CNTROB: variants seen among roughly 807,000 people sequenced by gnomAD.
The protein encoded by CNTROB is centrobin, centriole duplication and spindle assembly protein, also known as centrobin.
In CNTROB, 82 loss-of-function variants were observed where a neutral mutation model predicts 115.7. The observed-to-expected ratio is 0.71, with a 90% CI of 0.59 to 0.85. The LOEUF is 0.85. Ranked by LOEUF, CNTROB falls within the 40% of genes least tolerant of loss-of-function variation. CNTROB has a pLI of 0.00. For missense variants in CNTROB, 1,014 were observed against 1,144.4 expected (o/e 0.89, Z 1.64); for synonymous variants, 439 against 456.4 (o/e 0.96, Z 0.49).
chr17:7,942,596 CAAAAAA>C (rs377086554), intron 9 of CNTROB, among the ~76,000 whole-genome samples: 1 of 56,482 alleles, frequency 1.8e-5, no homozygotes, highest in Non-Finnish European at 3.1e-5. Context: ...GACTCCATCT[CAAAAAA>C]AAAAAAAAAA....
chr17:7,941,338 G>T (rs1328915415), intron 9 of CNTROB, among the ~76,000 whole-genome samples: 2 of 152,178 alleles, frequency 1.3e-5, no homozygotes, highest in East Asian at 3.9e-4. Context: ...GGTGGCTCAT[G>T]CCTGTAATCC....
chr17:7,948,907 G>C lies in CNTROB; in HGVS notation c.2514-178G>C. The stretch of plus-strand genomic sequence containing the variant: ...TCAAAACTCAGAATCCTAGACTTTT[G>C]ACTAGCTAGTGTAACTCGTTATTTA... On this transcript the variant is annotated intron_variant, in intron 17 of 18. Transcript: ENST00000563694. This position sits in a 1 kb window ranked among gnomAD's most constrained non-coding sequence, Gnocchi z 4.4. The C allele has an allele frequency of 7.0e-7, 1 of 1,429,228 alleles. No individual in the cohort carries two copies. The highest frequency in any genetic ancestry group is 9.2e-7 in the Non-Finnish European group (1 of 1,085,112). The allele number at this position is 1,429,228 out of a possible 1,614,324, so 88.5% of individuals were successfully genotyped here. A position where few individuals can be genotyped will look rare whatever the true frequency, so the allele number is the denominator to read the frequency against.
At position 7,948,351 on chromosome 17, in the gene CNTROB, G is replaced by A; in HGVS notation, c.2380+24G>A. 1 of 1,612,382 alleles carries A rather than the reference G, an allele frequency of 6.2e-7. No individual in the cohort carries two copies. Among genetic ancestry groups the A allele is most frequent in the Non-Finnish European group, 8.5e-7 (1 of 1,179,228 alleles). ...AGGTGAGCATGTTCTGGTTTATTAG[G>A]GAAAAAAGGAGGGACAGTCCTGAGT... On this transcript the variant is annotated intron_variant, in intron 16 of 18. Transcript: ENST00000563694. The surrounding 1 kb of genome is among the most constrained non-coding windows in gnomAD (Gnocchi z 4.4).
Position 7,940,160 on chromosome 17 carries a change from C to G in CNTROB, c.1229C>G (p.Ser410Cys). 6.2e-7 allele frequency: 1 copy of G among 1,612,574 alleles called. No individual in the cohort carries two copies. The highest frequency in any genetic ancestry group is 8.5e-7 in the Non-Finnish European group (1 of 1,179,638). The change falls in exon 9 of 19, where the codon TCT becomes TGT. Residue 410 changes from serine to cysteine, a missense_variant. By Grantham distance (112) the Ser-to-Cys change is moderately radical (BLOSUM62 -1). Coordinates refer to ENST00000563694, the MANE Select transcript of CNTROB (RefSeq NM_053051.5). ...CAGCACCAGTTGGCATTGGTGCAGTCTGAGGTGCGGCGGCTGGAAGGAGAG... is the reference window on the plus strand; with the variant it reads ...CAGCACCAGTTGGCATTGGTGCAGTGTGAGGTGCGGCGGCTGGAAGGAGAG... Reference protein sequence around the residue: ...ETQHQLALVQSEVRRLEGELD... With the variant: ...ETQHQLALVQCEVRRLEGELD...
At position 7,948,360 on chromosome 17, in the gene CNTROB, G is replaced by C. The variant is rs751311087; in HGVS notation, c.2380+33G>C. 4.3e-6 allele frequency: 7 copies of C among 1,613,062 alleles called. No individual in the cohort carries two copies. ...TGTTCTGGTTTATTAGGGAAAAAAG[G>C]AGGGACAGTCCTGAGTGTGGATCCA... On this transcript the variant is annotated intron_variant, in intron 16 of 18. Coordinates refer to ENST00000563694, the MANE Select transcript of CNTROB (RefSeq NM_053051.5). This position sits in a 1 kb window ranked among gnomAD's most constrained non-coding sequence, Gnocchi z 4.4.
intron 9 of CNTROB, among the ~76,000 whole-genome samples, chr17:7,941,349 C>T (rs1167245830): frequency 6.6e-6 from 1 of 152,150 alleles, no homozygotes; most frequent in East Asian, 1.9e-4. Flanking sequence ...CCTGTAATCC[C>T]AGCACTGTGG....
At chr17:7,947,426 C>T in intron 13 of CNTROB, 145 bp from the exon 14 acceptor site, 1 of 779,326 alleles carries the variant, frequency 1.3e-6, no homozygotes, top group South Asian at 3.2e-5. Flanking sequence ...TACTTTAAAC[C>T]TCCATCTTCA....
At position 7,939,966 on chromosome 17, in the gene CNTROB, G is replaced by A. The variant is rs1362330655; in HGVS notation, c.1165-130G>A. The A allele has an allele frequency of 2.1e-5, 25 of 1,208,092 alleles. No individual in the cohort carries two copies. The highest frequency in any genetic ancestry group is 2.9e-5 in the Non-Finnish European group (25 of 865,924). 74.8% of individuals were successfully genotyped at this position (1,208,092 alleles called of 1,614,324 possible). On this transcript the variant is annotated intron_variant, in intron 8 of 18. Coordinates refer to ENST00000563694, the MANE Select transcript of CNTROB (RefSeq NM_053051.5). This position sits in a 1 kb window ranked among gnomAD's most constrained non-coding sequence, Gnocchi z 4.4. ...CAAAGACTGAAATTCAACAGGGATGGGGAAATAAAACAAATGGGAGGAGCT... is the reference window on the plus strand; with the variant it reads ...CAAAGACTGAAATTCAACAGGGATGAGGAAATAAAACAAATGGGAGGAGCT...
rs114453384 is a variant in CNTROB, at chr17:7,943,692, G to A, written c.1445+168G>A. The A allele has an allele frequency of 1.1e-3, 787 of 695,324 alleles. 4 individuals are homozygous for A. In the African/African-American group the frequency reaches 0.012, roughly 11 times the overall value. The allele number at this position is 695,324 out of a possible 1,614,324, so 43.1% of individuals were successfully genotyped here. On this transcript the variant is annotated intron_variant, in intron 10 of 18. Transcript: ENST00000563694. The surrounding 1 kb of genome is among the most constrained non-coding windows in gnomAD (Gnocchi z 4.7). ...TCTCTCTCGGGAGGGCTGCCTTCAC[G>A]CGTTCATGGAGAGCCAGAAGTGCCT...
chr17:7,934,182 G>T lies in CNTROB; in HGVS notation c.315G>T (p.Gln105His), dbSNP rs909258364. The T allele has an allele frequency of 6.2e-7, 1 of 1,614,174 alleles. No individual in the cohort carries two copies. Among genetic ancestry groups the T allele is most frequent in the Non-Finnish European group, 8.5e-7 (1 of 1,180,016 alleles). The change falls in exon 2 of 19, where the codon CAG becomes CAT. Residue 105 changes from glutamine (Q) to histidine (H), a missense_variant. Gln to His is a conservative substitution (Grantham distance 24, BLOSUM62 0). Coordinates refer to ENST00000563694, the MANE Select transcript of CNTROB (RefSeq NM_053051.5). ...TTGAGATGGAAAGTGTTCGGGGTCA[G>T]CTCCAGACCATGCTCCAAACCTCAC... ...HIFEMESVRG[Q>H]LQTMLQTSRD... is the part of the protein sequence containing the mutation.
At chr17:7,934,037 T>C in intron 1 of CNTROB, 101 bp from the exon 2 acceptor site, 2 of 937,494 alleles carry the variant, frequency 2.1e-6, no homozygotes, top group East Asian at 2.4e-5. Context: ...CCGTTTGGTT[T>C]TTCTTGTTTT....
Position 7,948,453 on chromosome 17 carries a change from G to T in CNTROB, c.2381-34G>T. The T allele has an allele frequency of 3.1e-6, 5 of 1,612,620 alleles. No homozygotes were observed. In the South Asian group the frequency reaches 5.5e-5, roughly 18 times the overall value. On this transcript the variant is annotated intron_variant, in intron 16 of 18. Transcript: ENST00000563694. The surrounding 1 kb of genome is among the most constrained non-coding windows in gnomAD (Gnocchi z 4.4). ...CTGAGGGCTGGGGAGACAGGCCCTAGGATGACGCCTGTGATTATTGCGATG... is the reference window on the plus strand; with the variant it reads ...CTGAGGGCTGGGGAGACAGGCCCTATGATGACGCCTGTGATTATTGCGATG...
intron 4 of CNTROB, 46 bp from the exon 5 acceptor site, chr17:7,936,320 C>A (rs774585250): frequency 2.4e-6 from 2 of 834,350 alleles, no homozygotes; most frequent in South Asian, 2.6e-5. Context: ...GTGCTGTGGT[C>A]ATACCAAAGA....
In CNTROB at chr17:7,938,071, C is replaced by A. The variant is rs560572319; in HGVS notation, c.927+809C>A. Among the ~76,000 whole-genome samples the A allele has an allele frequency of 2.9e-5, 4 of 138,728 alleles. No individual in the cohort carries two copies. The East Asian group carries it at 9.6e-4, about 33-fold the overall frequency. 91.0% of individuals were successfully genotyped at this position (138,728 alleles called of 152,430 possible). ...AGGCTGGAGTGCAGTGGCACAATCT[C>A]AGCTCACTGCAGCCTCTGCCCCCTG... is the stretch of plus-strand genomic sequence containing the variant. On this transcript the variant is annotated intron_variant, in intron 7 of 18. Coordinates refer to ENST00000563694, the MANE Select transcript of CNTROB (RefSeq NM_053051.5).
In CNTROB at chr17:7,945,922, C is replaced by G. The variant is rs144129260; in HGVS notation, c.1929C>G (p.Pro643=). ...SSSDLSLLLG[P]SFQSQHSFQP... ...CAGATCTTAGCCTCCTGTTGGGCCCCTCTTTTCAGAGCCAGCATTCTTTCC... is the reference window on the plus strand; with the variant it reads ...CAGATCTTAGCCTCCTGTTGGGCCCGTCTTTTCAGAGCCAGCATTCTTTCC... Residue 643 remains proline, a synonymous_variant, in exon 13 of 19, where the codon CCC becomes CCG. Coordinates refer to ENST00000563694, the MANE Select transcript of CNTROB (RefSeq NM_053051.5). 1 of 1,614,154 alleles carries G rather than the reference C, an allele frequency of 6.2e-7. No homozygotes were observed. Among genetic ancestry groups the G allele is most frequent in the Non-Finnish European group, 8.5e-7 (1 of 1,179,970 alleles).
chr17:7,942,386 A>T (rs932985619), intron 9 of CNTROB, among the ~76,000 whole-genome samples: 1 of 152,078 alleles, frequency 6.6e-6, no homozygotes, highest in Admixed American at 6.6e-5. Context: ...TCACGAGGTC[A>T]GGAGATTGAG....
At chr17:7,938,939 C>A (rs1023985007) in intron 7 of CNTROB, among the ~76,000 whole-genome samples, 2 of 151,836 alleles carry the variant, frequency 1.3e-5, no homozygotes, top group African/African-American at 4.8e-5. Flanking sequence ...CCACCATGCC[C>A]AGCTAATTTT....
At position 7,948,783 on chromosome 17, in the gene CNTROB, T is replaced by C. The variant is rs1190827341; in HGVS notation, c.2513+164T>C. 9.1e-6 allele frequency: 14 copies of C among 1,539,458 alleles called. No homozygotes were observed. The East Asian group carries it at 2.8e-4, about 31-fold the overall frequency. On this transcript the variant is annotated intron_variant, in intron 17 of 18. Coordinates refer to ENST00000563694, the MANE Select transcript of CNTROB (RefSeq NM_053051.5). The surrounding 1 kb of genome is among the most constrained non-coding windows in gnomAD (Gnocchi z 4.4). ...GATCTTCTCTAACTGCCCCACACTT[T>C]TCTTTTATCTCCTCCTTTCTATTGC...
intron 1 of CNTROB, among the ~76,000 whole-genome samples, 159 bp from the exon 2 acceptor site, chr17:7,933,979 T>G (rs1421421510): frequency 6.6e-6 from 1 of 152,236 alleles, no homozygotes; most frequent in Non-Finnish European, 1.5e-5. Context: ...TTCTGGCTTC[T>G]GTAGTATTTG....
Sources: allele counts gnomAD v4.1 joint callset (sites outside exome capture counted in the v4.1 genomes callset), GRCh38; gene constraint gnomAD v4.1.1; non-coding constraint Gnocchi (gnomAD v3.1); transcripts MANE v1.5; gene names NCBI Gene and HGNC (gene_info 2026-07-23, HGNC 2026-07-21).